The following STARD13 variants were observed in gnomAD, a reference collection of about 807,000 sequenced individuals.
The protein encoded by STARD13 is StAR related lipid transfer domain containing 13, also known as stAR-related lipid transfer protein 13.
STARD13 carries 62 observed loss-of-function variants against 106.4 expected under a neutral mutation model. That is an observed-to-expected ratio of 0.58 (90% CI 0.48 to 0.72). The LOEUF is 0.72. STARD13 is among the 30% of genes least tolerant of loss of function. The probability of loss-of-function intolerance (pLI) is 0.00; values close to 1 mark genes in which losing one functional copy is unlikely to be tolerated. For missense variants in STARD13, 1,387 were observed against 1,424.0 expected, an observed-to-expected ratio of 0.97 and a Z score of 0.42; for synonymous variants, 565 against 553.0, an observed-to-expected ratio of 1.02 and a Z score of -0.31.
the STARD13 span, among the ~76,000 whole-genome samples, chr13:33,519,312 T>C: frequency 3.6e-3 from 132 of 37,180 alleles, 2 homozygotes; most frequent in Admixed American, 0.03. Context: ...TCTTTCTTTC[T>C]CTCTCTCTCT....
the STARD13 span, among the ~76,000 whole-genome samples, chr13:33,431,574 A>G: frequency 6.6e-6 from 1 of 152,306 alleles, no homozygotes; most frequent in Middle Eastern, 3.4e-3. Flanking sequence ...TTGAATATCA[A>G]AAGCAAAACA....
chr13:33,155,926 T>TA (rs1340765458), intron 3 of STARD13, among the ~76,000 whole-genome samples: 3 of 152,200 alleles, frequency 2.0e-5, no homozygotes, highest in Non-Finnish European at 4.4e-5. Context: ...CATCCTGCTT[T>TA]AGGCACAGAT....
chr13:33,289,272 C>T (rs1344788979), upstream of STARD13, among the ~76,000 whole-genome samples: 1 of 152,156 alleles, frequency 6.6e-6, no homozygotes, highest in Non-Finnish European at 1.5e-5. Flanking sequence ...TTCAGTAAGA[C>T]TATTTCAGGA....
chr13:33,479,659 A>G, the STARD13 span, among the ~76,000 whole-genome samples: 4 of 152,138 alleles, frequency 2.6e-5, no homozygotes, highest in Non-Finnish European at 4.4e-5. Flanking sequence ...AGATCTCATG[A>G]TGAATTGTAA....
intron 1 of STARD13, among the ~76,000 whole-genome samples, chr13:33,228,689 A>G (rs1055513372): frequency 6.6e-6 from 1 of 152,244 alleles, no homozygotes; most frequent in African/African-American, 2.4e-5. Flanking sequence ...GACATGGGTC[A>G]CACCACAGTT....
chr13:33,516,452 A>G, the STARD13 span, among the ~76,000 whole-genome samples: 5 of 151,920 alleles, frequency 3.3e-5, no homozygotes, highest in Non-Finnish European at 1.5e-5. Context: ...TCTGAAGCCT[A>G]TTCAGTAAAC....
chr13:33,627,289 C>A, the STARD13 span, among the ~76,000 whole-genome samples: 2 of 152,138 alleles, frequency 1.3e-5, no homozygotes, highest in Non-Finnish European at 2.9e-5. Flanking sequence ...TCTTCAACAT[C>A]CAGGTAGGAT....
chr13:33,148,164 AC>A (rs1880803209), intron 3 of STARD13, among the ~76,000 whole-genome samples: 1 of 152,214 alleles, frequency 6.6e-6, no homozygotes, highest in Admixed American at 6.5e-5. Flanking sequence ...TAAAGTGATG[AC>A]CTTTTAGATT....
chr13:33,557,409 C>T, the STARD13 span, among the ~76,000 whole-genome samples: 1 of 152,122 alleles, frequency 6.6e-6, no homozygotes, highest in Non-Finnish European at 1.5e-5. Context: ...CTTGAATTTT[C>T]ATGTTATTCT....
chr13:33,499,665 CTCG>C, the STARD13 span, among the ~76,000 whole-genome samples: 1 of 124,154 alleles, frequency 8.1e-6, no homozygotes, highest in African/African-American at 3.1e-5. Flanking sequence ...CTTCTTCTTC[CTCG>C]TCCTCTTCTT....
the STARD13 span, among the ~76,000 whole-genome samples, chr13:33,643,920 G>A: frequency 2.0e-5 from 3 of 152,220 alleles, no homozygotes; most frequent in Admixed American, 2.0e-4. Context: ...CTCCAGTTTG[G>A]ACACCTCTTA....
upstream of STARD13, among the ~76,000 whole-genome samples, chr13:33,353,345 C>T (rs189911825): frequency 2.6e-5 from 4 of 152,284 alleles, no homozygotes; most frequent in South Asian, 2.1e-4. Flanking sequence ...AATCTAACAA[C>T]GTGTTCCAGT....
At position 33,122,097 on chromosome 13, in the gene STARD13, C is replaced by T. The variant is rs527974244; in HGVS notation, c.2083-3834G>A. On this transcript the variant is annotated intron_variant, in intron 7 of 13. Coordinates refer to ENST00000336934, the MANE Select transcript of STARD13 (RefSeq NM_178006.4). ...TTGACCTCAGGTGATTCACCAGCTT[C>T]GGCCTCCCAAAGTACTGGGATTACA... 7.2e-5 allele frequency among the ~76,000 whole-genome samples: 11 copies of T among 152,288 alleles called. No individual in the cohort carries two copies. In the East Asian group the frequency reaches 9.6e-4, roughly 13 times the overall value.
chr13:33,197,997 C>T (rs572517407), intron 1 of STARD13, among the ~76,000 whole-genome samples: 35 of 152,210 alleles, frequency 2.3e-4, no homozygotes, highest in Admixed American at 7.2e-4. Flanking sequence ...GGTAAAACCC[C>T]GCCTCTACTA....
intron 1 of STARD13, among the ~76,000 whole-genome samples, chr13:33,216,481 T>C (rs747466824): frequency 9.9e-5 from 15 of 152,158 alleles, no homozygotes; most frequent in African/African-American, 2.9e-4. Context: ...CCAAACATCA[T>C]ATATTCTTAC....
chr13:33,601,214 G>A, the STARD13 span, among the ~76,000 whole-genome samples: 2,385 of 141,848 alleles, frequency 0.017, 73 homozygotes, highest in African/African-American at 0.057. Context: ...AAATGTTTTT[G>A]TTTTTTTTTT....
intron 8 of STARD13, among the ~76,000 whole-genome samples, chr13:33,115,205 C>A (rs1161815826): frequency 1.3e-5 from 2 of 152,158 alleles, no homozygotes; most frequent in Non-Finnish European, 2.9e-5. Context: ...CATCATTTGA[C>A]AAAAATCCAA....
intron 1 of STARD13, among the ~76,000 whole-genome samples, chr13:33,222,144 T>A (rs1434958352): frequency 6.6e-6 from 1 of 150,590 alleles, no homozygotes; most frequent in Non-Finnish European, 1.5e-5. Flanking sequence ...CGAGACTCCA[T>A]CTCAAAAAAA....
intron 1 of STARD13, among the ~76,000 whole-genome samples, chr13:33,321,828 C>T (rs1893570828): frequency 6.6e-6 from 1 of 152,200 alleles, no homozygotes; most frequent in Admixed American, 6.5e-5. Flanking sequence ...GTGATCCTTG[C>T]TCATAGGAGT....
Sources: gnomAD v4.1 joint callset for allele counts (sites outside exome capture counted in the v4.1 genomes callset) on GRCh38, gnomAD v4.1.1 for gene constraint, MANE v1.5 for transcripts, NCBI Gene and HGNC (gene_info 2026-07-23, HGNC 2026-07-21) for gene names.